The following BDP1 variants were observed in gnomAD, a reference collection of about 807,000 sequenced individuals.
BDP1 encodes the protein transcription factor TFIIIB component B'' homolog.
A neutral mutation model predicts 266.6 loss-of-function variants in BDP1; 169 were observed. The observed-to-expected ratio is 0.63, with a 90% CI of 0.56 to 0.72. The LOEUF (loss-of-function observed/expected upper bound fraction) is 0.72, where lower values mean the gene tolerates loss of function less well. Among genes scored for constraint, BDP1 ranks in the 30% least tolerant of loss-of-function variants. The pLI is 0.00. For missense variants in BDP1, 3,015 were observed against 3,053.8 expected (o/e 0.99, Z 0.30); for synonymous variants, 1,090 against 1,022.4 (o/e 1.07, Z -1.26).
intron 7 of BDP1, among the ~76,000 whole-genome samples, chr5:71,473,381 T>A (rs1762384951): frequency 6.8e-6 from 1 of 147,272 alleles, no homozygotes; most frequent in Non-Finnish European, 1.5e-5. Context: ...TTCATGCCCT[T>A]CTCCTGCCTC....
intron 16 of BDP1, among the ~76,000 whole-genome samples, chr5:71,508,481 T>TG (rs1160302385): frequency 6.6e-6 from 1 of 151,528 alleles, no homozygotes; most frequent in Non-Finnish European, 1.5e-5. Context: ...ATTTTTTTTT[T>TG]TTTTGTAGAG....
chr5:71,499,154 C>T (rs999676648), intron 13 of BDP1, among the ~76,000 whole-genome samples: 1 of 152,142 alleles, frequency 6.6e-6, no homozygotes, highest in Admixed American at 6.5e-5. Flanking sequence ...GGCTGTGGTG[C>T]GATGGCGTGA....
At chr5:71,577,574 C>T in the BDP1 span, among the ~76,000 whole-genome samples, 1 of 120,134 alleles carries the variant, frequency 8.3e-6, no homozygotes, top group African/African-American at 2.8e-5. Flanking sequence ...AAGTGAGTAT[C>T]CATGGGATCT....
At chr5:71,507,154 T>C (rs1764631950) in intron 16 of BDP1, among the ~76,000 whole-genome samples, 1 of 152,128 alleles carries the variant, frequency 6.6e-6, no homozygotes, top group African/African-American at 2.4e-5. Context: ...AACTCCGTGT[T>C]TTAGAAAAAC....
intron 3 of BDP1, among the ~76,000 whole-genome samples, chr5:71,462,742 A>C (rs998485782): frequency 6.6e-6 from 1 of 152,150 alleles, no homozygotes; most frequent in Non-Finnish European, 1.5e-5. Context: ...TCAGGGTGAC[A>C]GAGCGAGATC....
Position 71,522,813 on chromosome 5 carries a change from T to C in BDP1, c.5251T>C (p.Ser1751Pro). The C allele has an allele frequency of 6.2e-7, 1 of 1,613,626 alleles. No individual in the cohort carries two copies. The highest frequency in any genetic ancestry group is 8.5e-7 in the Non-Finnish European group (1 of 1,179,880). ...TTCAGCAAGAAAAGATTGTGTAGGT[T>C]CCAAAGAGTCTGCTTTGGCAAAAAT... ...EVSARKDCVG[S>P]KESALAKIDA... is the part of the protein sequence containing the mutation. Residue 1751 changes from serine (S) to proline (P), a missense_variant, in exon 24 of 39, where the codon TCC becomes CCC. Transcript: ENST00000358731.
intron 20 of BDP1, 33 bp from the exon 21 acceptor site, chr5:71,516,018 TTACAGTCAAG>T: frequency 7.0e-7 from 1 of 1,436,542 alleles, no homozygotes; most frequent in Non-Finnish European, 9.5e-7. Context: ...TTTCAGCTTT[TTACAGTCAAG>T]CGCCCTGCCT....
In BDP1 at chr5:71,509,643, G is replaced by C. The variant is rs1456204373; in HGVS notation, c.2551G>C (p.Val851Leu). The C allele has an allele frequency of 1.9e-6, 3 of 1,613,164 alleles. No individual in the cohort carries two copies. Among genetic ancestry groups the C allele is most frequent in the African/African-American group, 1.3e-5 (1 of 74,798 alleles). Residue 851 changes from valine (V) to leucine (L), a missense_variant, in exon 17 of 39, where the codon GTA becomes CTA. Coordinates refer to ENST00000358731, the MANE Select transcript of BDP1 (RefSeq NM_018429.3). ...AATGGCGGCAGCATTGAGAGAAACT[G>C]TAAGACTAGACACCTCACCAAAGGA... ...GEMAAALRET[V>L]RLDTSPKEMV...
intron 26 of BDP1, 79 bp from the exon 27 acceptor site, chr5:71,538,963 T>C (rs748849818): frequency 3.2e-6 from 3 of 931,758 alleles, no homozygotes; most frequent in Non-Finnish European, 5.2e-6. Flanking sequence ...GAAAGACCTC[T>C]GAAAATGTAG....
intron 35 of BDP1, among the ~76,000 whole-genome samples, chr5:71,554,903 C>T (rs1025450414): frequency 6.6e-6 from 1 of 151,964 alleles, no homozygotes; most frequent in Non-Finnish European, 1.5e-5. Flanking sequence ...TTAACAGTTC[C>T]ACATCCCAAA....
intron 9 of BDP1, among the ~76,000 whole-genome samples, chr5:71,488,861 C>T (rs1000758452): frequency 6.6e-6 from 1 of 152,172 alleles, no homozygotes; most frequent in Middle Eastern, 3.4e-3. Flanking sequence ...GCGCCTGCCA[C>T]CATGTCCAGC....
In BDP1 at chr5:71,504,647, G is replaced by T; in HGVS notation, c.2268G>T (p.Ser756=). 6.2e-7 allele frequency: 1 copy of T among 1,613,360 alleles called. No homozygotes were observed. Among genetic ancestry groups the T allele is most frequent in the East Asian group, 2.2e-5 (1 of 44,778 alleles). Residue 756 remains serine (S), a synonymous_variant, in exon 16 of 39, where the codon TCG becomes TCT. Coordinates refer to ENST00000358731, the MANE Select transcript of BDP1 (RefSeq NM_018429.3). ...RDTPQHMEDQ[S]RKDFEEEDVI... Reference sequence around the variant, plus strand: ...CTCCTCAACACATGGAAGATCAATCGCGTAAAGATTTTGAAGAGGAAGATG... The same window carrying T: ...CTCCTCAACACATGGAAGATCAATCTCGTAAAGATTTTGAAGAGGAAGATG...
At chr5:71,558,322 G>A (rs1372894775) in intron 36 of BDP1, among the ~76,000 whole-genome samples, 1 of 152,090 alleles carries the variant, frequency 6.6e-6, no homozygotes, top group Non-Finnish European at 1.5e-5. Context: ...GATCACCTGA[G>A]GTCAGCCTGG....
At chr5:71,503,922 CT>C (rs1312964794) in intron 15 of BDP1, among the ~76,000 whole-genome samples, 2 of 150,928 alleles carry the variant, frequency 1.3e-5, no homozygotes, top group East Asian at 3.9e-4. Context: ...AGTGAGCTAT[CT>C]ATAATTATGC....
rs182053959 is a variant in BDP1, at chr5:71,458,619, A to G, written c.253A>G (p.Ser85Gly). The G allele has an allele frequency of 7.0e-5, 113 of 1,613,446 alleles. No individual in the cohort carries two copies. Among genetic ancestry groups the G allele is most frequent in the Admixed American group, 1.8e-4 (11 of 60,024 alleles). Residue 85 changes from serine (S) to glycine (G), a missense_variant, in exon 2 of 39, where the codon AGT (serine) becomes GGT (glycine). Ser to Gly is a moderately conservative substitution (Grantham distance 56). Transcript: ENST00000358731. ...TGGTGACAATGATGTTGAAGAATCCAGTAGATCTTCCTCTACTGTTTCACA... is the reference window on the plus strand; with the variant it reads ...TGGTGACAATGATGTTGAAGAATCCGGTAGATCTTCCTCTACTGTTTCACA... ...TGGDNDVEES[S>G]RSSSTVSQRR...
At chr5:71,557,054 G>T in intron 36 of BDP1, 129 bp downstream of exon 36, 1 of 479,490 alleles carries the variant, frequency 2.1e-6, no homozygotes, top group Non-Finnish European at 3.6e-6. Context: ...TGTATTATCA[G>T]CACTTCTTTC....
At chr5:71,483,141 T>TA (rs1452225937) in intron 7 of BDP1, among the ~76,000 whole-genome samples, 3 of 152,246 alleles carry the variant, frequency 2.0e-5, no homozygotes, top group Non-Finnish European at 2.9e-5. Flanking sequence ...GTGCTTTTAA[T>TA]AAAAACTTGT....
At chr5:71,555,435 C>CT (rs1449359697) in intron 35 of BDP1, among the ~76,000 whole-genome samples, 1 of 148,902 alleles carries the variant, frequency 6.7e-6, no homozygotes, top group Non-Finnish European at 1.5e-5. Flanking sequence ...TTGTAGTTTT[C>CT]TTTATTCTTT....
chr5:71,556,577 C>T (rs1233246057), intron 35 of BDP1, among the ~76,000 whole-genome samples: 1 of 152,016 alleles, frequency 6.6e-6, no homozygotes. Flanking sequence ...TCTTTGCATT[C>T]CTGAAACGAG....
Sources: allele counts gnomAD v4.1 joint callset (sites outside exome capture counted in the v4.1 genomes callset), GRCh38; gene constraint gnomAD v4.1.1; transcripts MANE v1.5; gene names NCBI Gene and HGNC (gene_info 2026-07-23, HGNC 2026-07-21).